DLGAP2: variants seen among roughly 807,000 people sequenced by gnomAD.
DLGAP2 encodes DLG associated protein 2, also known as disks large-associated protein 2.
In DLGAP2, 26 loss-of-function variants were observed where a neutral mutation model predicts 100.3. That is an observed-to-expected ratio of 0.26 (90% CI 0.19 to 0.36). DLGAP2 has a LOEUF of 0.36. DLGAP2 is among the 10% of genes least tolerant of loss of function. The pLI, the probability that DLGAP2 is intolerant of heterozygous loss-of-function variation, is 1.00. For missense variants in DLGAP2, 1,858 were observed against 1,453.2 expected, an observed-to-expected ratio of 1.28 and a Z score of -4.53; for synonymous variants, 886 against 630.1, an observed-to-expected ratio of 1.41 and a Z score of -6.08.
At chr8:996,632 G>A (rs1197612769) in intron 2 of DLGAP2, among the ~76,000 whole-genome samples, 1 of 152,182 alleles carries the variant, frequency 6.6e-6, no homozygotes, top group Admixed American at 6.5e-5. Flanking sequence ...AAGGATCTTT[G>A]CAGAAGGTTT....
At chr8:1,458,983 AC>A (rs1798396218) in intron 3 of DLGAP2, among the ~76,000 whole-genome samples, 1 of 151,976 alleles carries the variant, frequency 6.6e-6, no homozygotes, top group South Asian at 2.1e-4. Flanking sequence ...ACATGCATCT[AC>A]CCGAGGGGTC....
chr8:1,422,875 C>G (rs1797137545), intron 3 of DLGAP2, among the ~76,000 whole-genome samples: 1 of 152,150 alleles, frequency 6.6e-6, no homozygotes, highest in Non-Finnish European at 1.5e-5. Flanking sequence ...GTTCCAGAAT[C>G]AAGCGGTGTG....
chr8:1,580,182 C>T (rs1266314411), intron 6 of DLGAP2, among the ~76,000 whole-genome samples: 1 of 152,132 alleles, frequency 6.6e-6, no homozygotes, highest in Non-Finnish European at 1.5e-5. Context: ...ATGGATGTTC[C>T]TTCAAACTCT....
chr8:1,199,163 T>G (rs11991190), intron 2 of DLGAP2, among the ~76,000 whole-genome samples: 1 of 152,016 alleles, frequency 6.6e-6, no homozygotes, highest in Non-Finnish European at 1.5e-5. Context: ...TCTGAATTAC[T>G]GAAGAGAATT....
At chr8:1,265,157 C>T (rs78911281) in intron 3 of DLGAP2, among the ~76,000 whole-genome samples, 2 of 151,976 alleles carry the variant, frequency 1.3e-5, no homozygotes, top group African/African-American at 4.8e-5. Context: ...AACCAAAGCC[C>T]TAGAAGTAAT....
intron 2 of DLGAP2, among the ~76,000 whole-genome samples, chr8:1,182,794 G>C (rs944939419): frequency 6.6e-5 from 10 of 152,220 alleles, no homozygotes; most frequent in African/African-American, 2.4e-4. Flanking sequence ...GGCAGGAAGG[G>C]AGAGTCCACG....
chr8:1,643,516 TCGAACCCGCC>T, intron 8 of DLGAP2, among the ~76,000 whole-genome samples: 2 of 25,040 alleles, frequency 8.0e-5, no homozygotes, highest in Non-Finnish European at 1.3e-4. Context: ...TGTGTCACCC[TCGAACCCGCC>T]GGTCCTCACC....
intron 2 of DLGAP2, among the ~76,000 whole-genome samples, chr8:1,026,112 A>C (rs1258773263): frequency 6.6e-6 from 1 of 152,210 alleles, no homozygotes; most frequent in Non-Finnish European, 1.5e-5. Flanking sequence ...CTCAGCTGCC[A>C]GTCTGGCGTC....
At chr8:1,173,904 C>G (rs1247161743) in intron 2 of DLGAP2, among the ~76,000 whole-genome samples, 1 of 152,242 alleles carries the variant, frequency 6.6e-6, no homozygotes, top group Non-Finnish European at 1.5e-5. Context: ...GCGCCCACCT[C>G]TGGCACTCCC....
intron 3 of DLGAP2, among the ~76,000 whole-genome samples, chr8:1,377,540 A>G (rs1056190833): frequency 2.0e-5 from 3 of 152,088 alleles, no homozygotes; most frequent in Non-Finnish European, 4.4e-5. Flanking sequence ...CGAGACTCCG[A>G]CTCAAAAAAA....
At chr8:1,628,992 T>G (rs1039721124) in intron 7 of DLGAP2, among the ~76,000 whole-genome samples, 7 of 152,250 alleles carry the variant, frequency 4.6e-5, no homozygotes, top group African/African-American at 1.7e-4. Context: ...TGATAGCCCT[T>G]ATTATTACCA....
intron 3 of DLGAP2, among the ~76,000 whole-genome samples, chr8:1,468,580 GT>G (rs1438105908): frequency 1.3e-5 from 2 of 152,342 alleles, no homozygotes. Context: ...GTGCCACCAG[GT>G]CAGGACCCCG....
chr8:1,456,024 G>A (rs1052945541), intron 3 of DLGAP2, among the ~76,000 whole-genome samples: 3 of 152,156 alleles, frequency 2.0e-5, no homozygotes, highest in African/African-American at 7.2e-5. Flanking sequence ...CCAGCCCGAT[G>A]GCCGCTCGCT....
chr8:1,217,019 G>A (rs1798228173), intron 2 of DLGAP2, among the ~76,000 whole-genome samples: 1 of 152,094 alleles, frequency 6.6e-6, no homozygotes, highest in Admixed American at 6.6e-5. Context: ...TGGATAAATT[G>A]CCTAGCTGGG....
intron 14 of DLGAP2, 117 bp downstream of exon 14, chr8:1,697,416 G>C: frequency 1.4e-6 from 2 of 1,419,172 alleles, no homozygotes; most frequent in African/African-American, 2.9e-5. Context: ...CAACACACGA[G>C]CAAATTTCCC....
chr8:1,373,455 G>T (rs1364832867), intron 3 of DLGAP2, among the ~76,000 whole-genome samples: 1 of 152,196 alleles, frequency 6.6e-6, no homozygotes, highest in Non-Finnish European at 1.5e-5. Flanking sequence ...GAGCCGTGTC[G>T]GCCGAGACCC....
intron 6 of DLGAP2, among the ~76,000 whole-genome samples, chr8:1,596,923 T>C (rs1424303690): frequency 6.6e-6 from 1 of 152,204 alleles, no homozygotes; most frequent in Non-Finnish European, 1.5e-5. Flanking sequence ...GGTGTTTTAG[T>C]CATGAAGTCT....
At chr8:1,517,028 C>G (rs1463236756) in intron 4 of DLGAP2, among the ~76,000 whole-genome samples, 2 of 152,154 alleles carry the variant, frequency 1.3e-5, no homozygotes, top group Non-Finnish European at 2.9e-5. Flanking sequence ...GGAAGGCTTT[C>G]TCACCTCCGC....
chr8:1,025,159 CGTGT>C (rs759462001), intron 2 of DLGAP2, among the ~76,000 whole-genome samples: 50 of 151,764 alleles, frequency 3.3e-4, no homozygotes, highest in Non-Finnish European at 8.8e-5. Flanking sequence ...TGTGTGCGCA[CGTGT>C]GTGTGTCTTA....
Sources: gnomAD v4.1 joint callset for allele counts (sites outside exome capture counted in the v4.1 genomes callset) on GRCh38, gnomAD v4.1.1 for gene constraint, MANE v1.5 for transcripts, NCBI Gene and HGNC (gene_info 2026-07-23, HGNC 2026-07-21) for gene names.